Variants in SZT2 observed in about 807,000 individuals in gnomAD.
SZT2 encodes KICSTOR complex protein SZT2.
SZT2 carries 216 observed loss-of-function variants against 404.2 expected under a neutral mutation model. The observed-to-expected ratio is 0.53, with a 90% CI of 0.48 to 0.60. SZT2 has a LOEUF of 0.60. SZT2 is among the 20% of genes least tolerant of loss of function. SZT2 has a pLI of 0.00. For synonymous variants in SZT2, 1,693 were observed against 1,749.9 expected, an observed-to-expected ratio of 0.97 and a Z score of 0.81; for missense variants, 3,857 against 4,459.2, an observed-to-expected ratio of 0.86 and a Z score of 3.85.
chr1:43,453,363 G>C lies in SZT2; in HGVS notation c.*2883G>C, dbSNP rs757419989. The C allele has an allele frequency of 6.1e-6, 9 of 1,464,104 alleles. No individual in the cohort carries two copies. Among genetic ancestry groups the C allele is most frequent in the Admixed American group, 2.0e-5 (1 of 50,122 alleles). 90.7% of individuals were successfully genotyped at this position (1,464,104 alleles called of 1,614,324 possible). A position where few individuals can be genotyped will look rare whatever the true frequency, so the allele number is the denominator to read the frequency against. Reference sequence around the variant, plus strand: ...CATCAGGGTCATGGGTCACAGGGGTGGGGGTGGGGTGGAGCGGGGTACCTG... The same window carrying C: ...CATCAGGGTCATGGGTCACAGGGGTCGGGGTGGGGTGGAGCGGGGTACCTG... On this transcript the variant is annotated 3_prime_UTR_variant, in exon 72 of 72. Coordinates refer to ENST00000634258, the MANE Select transcript of SZT2 (RefSeq NM_001365999.1).
At chr1:43,444,924 ACT>A (rs1361720039) in intron 62 of SZT2, among the ~76,000 whole-genome samples, 10 of 151,658 alleles carry the variant, frequency 6.6e-5, no homozygotes, top group African/African-American at 1.9e-4. Flanking sequence ...GCCAGTTCCA[ACT>A]CTCTCATGTT....
chr1:43,453,409 A>C lies in SZT2; in HGVS notation c.*2929A>C. The stretch of plus-strand genomic sequence containing the variant: ...ACCTGGGACAGCCCAGGGCTTTGGC[A>C]TACCGCACGGCCTGCTCCAGTCCCT... On this transcript the variant is annotated 3_prime_UTR_variant, in exon 72 of 72. Transcript: ENST00000634258. 1 of 1,557,228 alleles carries C rather than the reference A, an allele frequency of 6.4e-7. No individual in the cohort carries two copies. Among genetic ancestry groups the C allele is most frequent in the Admixed American group, 1.9e-5 (1 of 53,054 alleles).
At position 43,439,721 on chromosome 1, in the gene SZT2, C is replaced by A; in HGVS notation, c.6994C>A (p.Gln2332Lys). The change falls in exon 50 of 72, where the codon CAA (glutamine) becomes AAA (lysine). Residue 2332 changes from glutamine to lysine, a missense_variant. This residue lies in a region of SZT2 where 573 missense variants were observed against 592.4 expected (regional missense o/e 0.97). Coordinates refer to ENST00000634258, the MANE Select transcript of SZT2 (RefSeq NM_001365999.1). The surrounding 1 kb of genome is among the most constrained non-coding windows in gnomAD (Gnocchi z 4.2). ...CCCACTGCGAGAGGAGGAATTTGAG[C>A]AACTGACCCAGGTCATCCGCTGCCC... is the stretch of plus-strand genomic sequence containing the variant. ...PDPLREEEFE[Q>K]LTQVIRCPVV... 6.2e-7 allele frequency: 1 copy of A among 1,610,712 alleles called. No individual in the cohort carries two copies. Among genetic ancestry groups the A allele is most frequent in the Non-Finnish European group, 8.5e-7 (1 of 1,178,070 alleles).
chr1:43,446,963 G>A lies in SZT2; in HGVS notation c.9081G>A (p.Met3027Ile), dbSNP rs770982122. ...TGCTGCTGCCTCCCCAGCTGTCCAT[G>A]CTGTTCACAGAGGAGTGTGACAAGG... ...MGQAVNSQLS[M>I]LFTEECDKVR... The change falls in exon 66 of 72, where the codon ATG becomes ATA. Residue 3027 changes from methionine (M) to isoleucine (I), a missense_variant. Coordinates refer to ENST00000634258, the MANE Select transcript of SZT2 (RefSeq NM_001365999.1). 3.1e-6 allele frequency: 5 copies of A among 1,610,898 alleles called. No individual in the cohort carries two copies. Among genetic ancestry groups the A allele is most frequent in the Non-Finnish European group, 4.2e-6 (5 of 1,178,480 alleles).
chr1:43,453,462 C>T lies in SZT2; in HGVS notation c.*2982C>T. On this transcript the variant is annotated 3_prime_UTR_variant, in exon 72 of 72. Coordinates refer to ENST00000634258, the MANE Select transcript of SZT2 (RefSeq NM_001365999.1). ...CGGAAGGCCGCCTGTCTCCCGGGGA[C>T]GGCCCCCAGCCCCATTTCCCCCTTC... 1 of 1,562,348 alleles carries T rather than the reference C, an allele frequency of 6.4e-7. No homozygotes were observed. The highest frequency in any genetic ancestry group is 8.7e-7 in the Non-Finnish European group (1 of 1,152,336).
At position 43,452,958 on chromosome 1, in the gene SZT2, C is replaced by T. The variant is rs771956008; in HGVS notation, c.*2478C>T. On this transcript the variant is annotated 3_prime_UTR_variant, in exon 72 of 72. Coordinates refer to ENST00000634258, the MANE Select transcript of SZT2 (RefSeq NM_001365999.1). ...ACCAGGCCTCCTCTTGCCACAGCAC[C>T]CTTGCAAGGAACACTCAACTTCCTG... 5.0e-6 allele frequency: 8 copies of T among 1,609,808 alleles called. No homozygotes were observed. Among genetic ancestry groups the T allele is most frequent in the Non-Finnish European group, 5.9e-6 (7 of 1,178,694 alleles).
chr1:43,425,944 C>T lies in SZT2; in HGVS notation c.2924C>T (p.Ser975Phe), dbSNP rs369577197. The T allele has an allele frequency of 1.2e-6, 2 of 1,613,994 alleles. No homozygotes were observed. Among genetic ancestry groups the T allele is most frequent in the Admixed American group, 1.7e-5 (1 of 60,008 alleles). ...CCTCTGCCCCCAGAGCCGAGGGTCT[C>T]TGATGGTGAGTGGGGCAGGCGGCCC... is the stretch of plus-strand genomic sequence containing the variant. ...WGPLPPEPRV[S>F]DGLDQGGDTC... Residue 975 changes from serine to phenylalanine, a missense_variant, in exon 20 of 72, where the codon TCT becomes TTT. Physicochemically the swap from Ser to Phe is radical, Grantham distance 155. Around this residue, in one of 7 missense-constraint regions of SZT2, gnomAD observed 1,725 missense variants for 1,881.0 expected, o/e 0.92. Coordinates refer to ENST00000634258, the MANE Select transcript of SZT2 (RefSeq NM_001365999.1). The surrounding 1 kb of genome is among the most constrained non-coding windows in gnomAD (Gnocchi z 4.3).
intron 14 of SZT2, 67 bp from the exon 15 acceptor site, chr1:43,423,032 T>G (rs958164278): frequency 6.6e-7 from 1 of 1,523,388 alleles, no homozygotes; most frequent in African/African-American, 1.4e-5. Flanking sequence ...TCACTTTGTC[T>G]GTGAGCCCCT....
chr1:43,433,737 C>G (rs1654176742), intron 40 of SZT2, among the ~76,000 whole-genome samples: 1 of 152,208 alleles, frequency 6.6e-6, no homozygotes, highest in Non-Finnish European at 1.5e-5. Flanking sequence ...TGAGATTGTG[C>G]CACTGCACTC....
At chr1:43,404,680 C>A (rs777000292) in intron 4 of SZT2, 130 bp downstream of exon 4, 6 of 904,720 alleles carry the variant, frequency 6.6e-6, no homozygotes, top group South Asian at 1.8e-5. Context: ...AACCTGTTTT[C>A]TAGTCATCCT....
rs1309751966 is a variant in SZT2, at chr1:43,450,838, G to A, written c.*358G>A. The A allele has an allele frequency of 2.8e-6, 2 of 710,010 alleles. No individual in the cohort carries two copies. Among genetic ancestry groups the A allele is most frequent in the African/African-American group, 3.4e-5 (2 of 58,024 alleles). The allele number at this position is 710,010 out of a possible 1,614,324, so 44.0% of individuals were successfully genotyped here. A position where few individuals can be genotyped will look rare whatever the true frequency, so the allele number is the denominator to read the frequency against. ...TCCTCTGCCTGAATCCTGCCCCCTA[G>A]CCTTTGACCACTGTCAGCCACCTGT... On this transcript the variant is annotated 3_prime_UTR_variant, in exon 72 of 72. Coordinates refer to ENST00000634258, the MANE Select transcript of SZT2 (RefSeq NM_001365999.1). The surrounding 1 kb of genome is among the most constrained non-coding windows in gnomAD (Gnocchi z 4.3).
At chr1:43,416,717 C>T in intron 7 of SZT2, 76 bp downstream of exon 7, 3 of 1,159,720 alleles carry the variant, frequency 2.6e-6, no homozygotes, top group Non-Finnish European at 3.7e-6. Flanking sequence ...TACTTTCTTA[C>T]AGGCAGTGAT....
At position 43,438,833 on chromosome 1, in the gene SZT2, G is replaced by C. The variant is rs748074793; in HGVS notation, c.6627+16G>C. On this transcript the variant is annotated intron_variant, in intron 47 of 71. Transcript: ENST00000634258. The stretch of plus-strand genomic sequence containing the variant: ...TGATGTGGAGGTCAGCTCCCCTCTA[G>C]GCACCAGCATCCTTCCCAGACTCAG... 6.2e-7 allele frequency: 1 copy of C among 1,612,038 alleles called. No individual in the cohort carries two copies. Among genetic ancestry groups the C allele is most frequent in the Non-Finnish European group, 8.5e-7 (1 of 1,178,584 alleles).
At position 43,427,406 on chromosome 1, in the gene SZT2, A is replaced by G; in HGVS notation, c.3559A>G (p.Lys1187Glu). Residue 1187 changes from lysine (K) to glutamate (E), a missense_variant, in exon 25 of 72, where the codon AAG becomes GAG. By Grantham distance (56) the Lys-to-Glu change is moderately conservative. Coordinates refer to ENST00000634258, the MANE Select transcript of SZT2 (RefSeq NM_001365999.1). ...DLGGTGIKAT[K>E]SHVPVLSVTL... ...AGGAGGAACTGGGATCAAAGCTACA[A>G]AGTCCCACGTCCCTGTCCTCAGTGT... 6.2e-7 allele frequency: 1 copy of G among 1,613,818 alleles called. No individual in the cohort carries two copies. The highest frequency in any genetic ancestry group is 1.1e-5 in the South Asian group (1 of 91,002).
chr1:43,395,408 C>A (rs1648878279), intron 1 of SZT2, among the ~76,000 whole-genome samples: 1 of 152,140 alleles, frequency 6.6e-6, no homozygotes, highest in African/African-American at 2.4e-5. Flanking sequence ...AGGCGACCCT[C>A]CCACCTTAGT....
intron 36 of SZT2, 35 bp from the exon 37 acceptor site, chr1:43,432,237 C>A: frequency 6.6e-7 from 1 of 1,521,956 alleles, no homozygotes; most frequent in East Asian, 2.3e-5. Context: ...GAGGACTGCC[C>A]TGCCTAAACT....
intron 7 of SZT2, among the ~76,000 whole-genome samples, chr1:43,416,961 A>G (rs1352851858): frequency 6.6e-6 from 1 of 152,212 alleles, no homozygotes; most frequent in Non-Finnish European, 1.5e-5. Context: ...ACCCCGCTCA[A>G]ACTAGCTTAA....
In SZT2 at chr1:43,443,046, T is replaced by C. The variant is rs757395174; in HGVS notation, c.8379T>C (p.His2793=). Residue 2793 remains histidine, a synonymous_variant, in exon 59 of 72, where the codon CAT becomes CAC. Coordinates refer to ENST00000634258, the MANE Select transcript of SZT2 (RefSeq NM_001365999.1). ...VPRPPDPVTY[H]GQQFLEIKMA... ...GACCTCCTGATCCTGTCACCTACCA[T>C]GGACAACAGTTCCTAGAGATCAAGA... 1.9e-6 allele frequency: 3 copies of C among 1,613,636 alleles called. No individual in the cohort carries two copies. The highest frequency in any genetic ancestry group is 2.5e-6 in the Non-Finnish European group (3 of 1,179,714).
In SZT2 at chr1:43,420,150, C is replaced by G. The variant is rs1318809600; in HGVS notation, c.1091-3C>G. 1.3e-6 allele frequency: 2 copies of G among 1,598,100 alleles called. No individual in the cohort carries two copies. Among genetic ancestry groups the G allele is most frequent in the African/African-American group, 2.7e-5 (2 of 74,918 alleles). ...TCCTTCCCCATCTCCACTGGTCTTC[C>G]AGGCTCTCAGCACCGCCTATTTAAT... On this transcript the variant is annotated splice_polypyrimidine_tract_variant and splice_region_variant and intron_variant, in intron 8 of 71. Coordinates refer to ENST00000634258, the MANE Select transcript of SZT2 (RefSeq NM_001365999.1). The surrounding 1 kb of genome is among the most constrained non-coding windows in gnomAD (Gnocchi z 5.1).
Sources: gnomAD v4.1 joint callset for allele counts (sites outside exome capture counted in the v4.1 genomes callset) on GRCh38, gnomAD v4.1.1 for gene constraint, gnomAD v4.1.1 regional missense constraint, Gnocchi (gnomAD v3.1) non-coding constraint, MANE v1.5 for transcripts, NCBI Gene and HGNC (gene_info 2026-07-23, HGNC 2026-07-21) for gene names.